Variants in CYRIA observed in about 807,000 individuals in gnomAD.
CYRIA encodes the protein CYFIP related Rac1 interactor A, also known as CYFIP-related Rac1 interactor A.
In CYRIA, 15 loss-of-function variants were observed where a neutral mutation model predicts 43.9. The ratio of observed to expected loss-of-function variants is 0.34; its 90% CI spans 0.23 to 0.53. The LOEUF (loss-of-function observed/expected upper bound fraction) is 0.53. Among genes scored for constraint, CYRIA ranks in the 20% least tolerant of loss-of-function variants. The pLI, the probability that CYRIA is intolerant of heterozygous loss-of-function variation, is 0.94. For synonymous variants in CYRIA, 117 were observed against 136.0 expected, an observed-to-expected ratio of 0.86 and a Z score of 0.97; for missense variants, 236 against 394.2, an observed-to-expected ratio of 0.60 and a Z score of 3.40.
chr2:16,652,696 G>A (rs11888255), intron 1 of CYRIA, among the ~76,000 whole-genome samples: 14,200 of 152,156 alleles, frequency 0.093, 1,407 homozygotes, highest in African/African-American at 0.25. Context: ...AGGGTTTCTC[G>A]AGAGCTTCCC....
intron 10 of CYRIA, among the ~76,000 whole-genome samples, chr2:16,557,668 G>C (rs973445122): frequency 6.6e-6 from 1 of 152,138 alleles, no homozygotes; most frequent in Non-Finnish European, 1.5e-5. Flanking sequence ...ACGGACAAAA[G>C]CAAACTTCAT....
At chr2:16,553,640 C>T (rs1666397297) in intron 11 of CYRIA, among the ~76,000 whole-genome samples, 1 of 152,060 alleles carries the variant, frequency 6.6e-6, no homozygotes. Flanking sequence ...GAAAAGAAAA[C>T]TAAGATTCAG....
intron 2 of CYRIA, among the ~76,000 whole-genome samples, chr2:16,615,321 A>G (rs1337642055): frequency 1.3e-5 from 2 of 152,130 alleles, no homozygotes; most frequent in Non-Finnish European, 2.9e-5. Flanking sequence ...CCAAGTAACC[A>G]GTGGTCGTTT....
chr2:16,567,774 G>T (rs931620819), intron 3 of CYRIA, among the ~76,000 whole-genome samples: 3 of 152,192 alleles, frequency 2.0e-5, no homozygotes, highest in African/African-American at 7.2e-5. Flanking sequence ...CAAAGAATGA[G>T]ACCATTTCAA....
intron 2 of CYRIA, among the ~76,000 whole-genome samples, chr2:16,615,309 C>T (rs1668741495): frequency 6.6e-6 from 1 of 152,170 alleles, no homozygotes; most frequent in Non-Finnish European, 1.5e-5. Context: ...CTTCTGCCTC[C>T]CCCAAGTAAC....
At position 16,614,820 on chromosome 2, in the gene CYRIA, C is replaced by A. The variant is rs184506900; in HGVS notation, c.-11+9044G>T. Among the ~76,000 whole-genome samples, 113 of 152,348 alleles carry A rather than the reference C, an allele frequency of 7.4e-4. 1 individual carries two copies. The highest frequency in any genetic ancestry group is 1.2e-3 in the Non-Finnish European group (81 of 68,032). The stretch of plus-strand genomic sequence containing the variant: ...GGTGCCACATCCCTCTCCACAGCTG[C>A]CTTTTCTTGAATGCCTACTGGATGC... On this transcript the variant is annotated intron_variant, in intron 2 of 11. Coordinates refer to ENST00000381323, the MANE Select transcript of CYRIA (RefSeq NM_030797.4).
chr2:16,577,894 G>A (rs920833980), intron 3 of CYRIA, among the ~76,000 whole-genome samples: 2 of 152,238 alleles, frequency 1.3e-5, no homozygotes, highest in Non-Finnish European at 2.9e-5. Context: ...ATCTATGACT[G>A]CGGGAGGGGA....
At chr2:16,553,124 C>T (rs1205577225) in intron 11 of CYRIA, 125 bp from the exon 12 acceptor site, 2 of 693,834 alleles carry the variant, frequency 2.9e-6, no homozygotes, top group African/African-American at 3.6e-5. Context: ...ATCCACACTT[C>T]AATGCTCACA....
chr2:16,568,633 T>C (rs1667029301), intron 3 of CYRIA, among the ~76,000 whole-genome samples: 1 of 152,158 alleles, frequency 6.6e-6, no homozygotes, highest in Admixed American at 6.5e-5. Flanking sequence ...ACACTGACTA[T>C]TCAAATCCTG....
chr2:16,619,956 C>G (rs139066094), intron 2 of CYRIA, among the ~76,000 whole-genome samples: 1 of 152,302 alleles, frequency 6.6e-6, no homozygotes, highest in Non-Finnish European at 1.5e-5. Context: ...CTTTCCTGGG[C>G]AGAGAACACA....
chr2:16,576,690 C>G (rs759350576), intron 3 of CYRIA, among the ~76,000 whole-genome samples: 5 of 152,096 alleles, frequency 3.3e-5, no homozygotes, highest in Non-Finnish European at 5.9e-5. Context: ...CTATTCACAC[C>G]ACGACTAGCA....
At chr2:16,609,283 C>T (rs1572502733) in intron 2 of CYRIA, among the ~76,000 whole-genome samples, 1 of 152,244 alleles carries the variant, frequency 6.6e-6, no homozygotes, top group East Asian at 1.9e-4. Context: ...CAAGGGGGAC[C>T]CCTGGGGCCC....
At chr2:16,633,749 C>T (rs533724106) in intron 1 of CYRIA, among the ~76,000 whole-genome samples, 11 of 151,972 alleles carry the variant, frequency 7.2e-5, no homozygotes, top group Admixed American at 7.2e-4. Context: ...TGGGCTGTGG[C>T]CCTGTCCTCT....
intron 3 of CYRIA, among the ~76,000 whole-genome samples, chr2:16,568,832 C>A (rs780625691): frequency 6.6e-6 from 1 of 152,098 alleles, no homozygotes; most frequent in Non-Finnish European, 1.5e-5. Flanking sequence ...CTAATCTCAG[C>A]GGTCACCTGG....
At chr2:16,659,227 A>G (rs1670187966) in intron 1 of CYRIA, among the ~76,000 whole-genome samples, 2 of 152,322 alleles carry the variant, frequency 1.3e-5, no homozygotes, top group South Asian at 4.1e-4. Context: ...CATGCTCCTC[A>G]CATATGCACA....
At position 16,550,191 on chromosome 2, in the gene CYRIA, T is replaced by C. The variant is rs553746013; in HGVS notation, c.*2745A>G. 6.6e-5 allele frequency: 10 copies of C among 151,820 alleles called. No individual in the cohort carries two copies. The highest frequency in any genetic ancestry group is 1.2e-4 in the Non-Finnish European group (8 of 67,984). 9.4% of individuals were successfully genotyped at this position (151,820 alleles called of 1,614,324 possible). On this transcript the variant is annotated 3_prime_UTR_variant, in exon 12 of 12. Transcript: ENST00000381323. ...ACAATGAGACCTCAAATATGAAATA[T>C]AGTTAACAATGACATTGACACTGTT...
chr2:16,660,820 C>A (rs1175995805), intron 1 of CYRIA, among the ~76,000 whole-genome samples: 1 of 152,188 alleles, frequency 6.6e-6, no homozygotes, highest in African/African-American at 2.4e-5. Context: ...AATAGAAACA[C>A]ATCTGTCTGC....
At chr2:16,588,008 G>T in intron 3 of CYRIA, 42 bp downstream of exon 3, 2 of 1,219,694 alleles carry the variant, frequency 1.6e-6, no homozygotes, top group South Asian at 1.3e-5. Flanking sequence ...AATCTATAAG[G>T]AATGTAAAAA....
chr2:16,644,468 A>G (rs938519715), intron 1 of CYRIA, among the ~76,000 whole-genome samples: 3 of 152,162 alleles, frequency 2.0e-5, no homozygotes, highest in African/African-American at 4.8e-5. Context: ...TCCTCTGGAC[A>G]GTCCTTGCCA....
Sources: gnomAD v4.1 joint callset for allele counts (sites outside exome capture counted in the v4.1 genomes callset) on GRCh38, gnomAD v4.1.1 for gene constraint, MANE v1.5 for transcripts, NCBI Gene and HGNC (gene_info 2026-07-23, HGNC 2026-07-21) for gene names.